Variants in KCNMA1 observed in about 807,000 individuals in gnomAD.
The protein encoded by KCNMA1 is potassium calcium-activated channel subfamily M alpha 1, also known as Calcium-activated potassium channel subunit alpha-1.
KCNMA1 carries 29 observed loss-of-function variants against 140.0 expected under a neutral mutation model. The ratio of observed to expected loss-of-function variants is 0.21; its 90% CI spans 0.15 to 0.28. KCNMA1 has a LOEUF of 0.28. Among genes scored for constraint, KCNMA1 ranks in the 10% least tolerant of loss-of-function variants. KCNMA1 has a pLI of 1.00. For synonymous variants in KCNMA1, 612 were observed against 611.9 expected, an observed-to-expected ratio of 1.00 and a Z score of 0.00; for missense variants, 880 against 1,602.2, an observed-to-expected ratio of 0.55 and a Z score of 7.70.
rs78120806 is a variant in KCNMA1, at chr10:76,929,577, G to T, written c.2903-14528C>A. 8.6e-3 allele frequency among the ~76,000 whole-genome samples: 1,308 copies of T among 152,280 alleles called. 17 individuals are homozygous for T. Among genetic ancestry groups the T allele is most frequent in the African/African-American group, 0.03 (1,261 of 41,544 alleles). On this transcript the variant is annotated intron_variant, in intron 23 of 27. Coordinates refer to ENST00000286628, the MANE Select transcript of KCNMA1 (RefSeq NM_001161352.2). ...ATAAATTTCCAAGATAAATTTCTAT[G>T]GAAATGTAAGCTTTAGTAAATCAGC... is the stretch of plus-strand genomic sequence containing the variant.
At position 77,637,502 on chromosome 10, in the gene KCNMA1, GGAA is replaced by G. The variant is rs780042940; in HGVS notation, c.138_140del (p.Ser60del). ...AAGAGGAGGAGGAAGAAGAAGAAGA[GGAA>G]GAGGAGGAGGAGGAGGAGGAGGACG... On this transcript the variant is annotated inframe_deletion, in exon 1 of 28. Coordinates refer to ENST00000286628, the MANE Select transcript of KCNMA1 (RefSeq NM_001161352.2). The G allele has an allele frequency of 4.4e-6, 7 of 1,577,586 alleles. No homozygotes were observed. The highest frequency in any genetic ancestry group is 6.1e-6 in the Non-Finnish European group (7 of 1,155,478).
At chr10:77,211,826 GGC>G (rs1390789384) in intron 3 of KCNMA1, among the ~76,000 whole-genome samples, 1 of 152,120 alleles carries the variant, frequency 6.6e-6, no homozygotes, top group Non-Finnish European at 1.5e-5. Context: ...ACATACAAGT[GGC>G]TAACAAACAT....
At chr10:77,200,826 G>A (rs1160850682) in intron 3 of KCNMA1, among the ~76,000 whole-genome samples, 1 of 152,136 alleles carries the variant, frequency 6.6e-6, no homozygotes, top group Non-Finnish European at 1.5e-5. Flanking sequence ...TAGACAAATT[G>A]TATACATGTG....
intron 20 of KCNMA1, among the ~76,000 whole-genome samples, chr10:76,959,530 T>C (rs2070035527): frequency 6.6e-6 from 1 of 152,240 alleles, no homozygotes; most frequent in South Asian, 2.1e-4. Context: ...TTTCATGCCC[T>C]GAATACAGCA....
At chr10:77,243,397 C>T (rs970047571) in intron 3 of KCNMA1, among the ~76,000 whole-genome samples, 3 of 152,154 alleles carry the variant, frequency 2.0e-5, no homozygotes, top group East Asian at 1.9e-4. Context: ...AGCCCTCTTG[C>T]GGTATAAACT....
intron 2 of KCNMA1, among the ~76,000 whole-genome samples, chr10:77,384,270 T>C (rs1464916058): frequency 6.6e-6 from 1 of 152,222 alleles, no homozygotes; most frequent in Non-Finnish European, 1.5e-5. Context: ...CCTATGCAGC[T>C]GCACAGGCAC....
At chr10:77,225,673 C>T (rs1378080609) in intron 3 of KCNMA1, among the ~76,000 whole-genome samples, 1 of 152,196 alleles carries the variant, frequency 6.6e-6, no homozygotes, top group Non-Finnish European at 1.5e-5. Flanking sequence ...GGCACTGTGC[C>T]ACCACCACTG....
chr10:77,117,539 C>CA (rs56926398), intron 6 of KCNMA1, among the ~76,000 whole-genome samples: 9,407 of 22,574 alleles, frequency 0.42, 2,821 homozygotes, highest in East Asian at 0.74. Context: ...GAGTCTATCT[C>CA]AAAAAAAAAA....
rs1296978467 is a variant in KCNMA1, at chr10:76,948,467, G to T, written c.2709+675C>A. ...TGGACTATGCATTCATTATGATTAG[G>T]AAGTAGTTAATTACATGACTCCTAA... On this transcript the variant is annotated intron_variant, in intron 22 of 27. Coordinates refer to ENST00000286628, the MANE Select transcript of KCNMA1 (RefSeq NM_001161352.2). 2.0e-5 allele frequency among the ~76,000 whole-genome samples: 3 copies of T among 152,258 alleles called. No homozygotes were observed. In the East Asian group the frequency reaches 5.8e-4, roughly 29 times the overall value.
At chr10:77,380,606 T>A (rs1157845721) in intron 2 of KCNMA1, among the ~76,000 whole-genome samples, 1 of 152,162 alleles carries the variant, frequency 6.6e-6, no homozygotes, top group East Asian at 1.9e-4. Context: ...TCCCTCATTG[T>A]CCTACTCATA....
intron 14 of KCNMA1, among the ~76,000 whole-genome samples, chr10:77,069,987 T>A (rs570340580): frequency 5.3e-5 from 8 of 152,168 alleles, no homozygotes; most frequent in Non-Finnish European, 1.2e-4. Context: ...AGCTAATTTT[T>A]GTATTTTTAG....
chr10:77,363,420 C>T (rs1346353605), intron 2 of KCNMA1, among the ~76,000 whole-genome samples: 1 of 152,226 alleles, frequency 6.6e-6, no homozygotes, highest in Admixed American at 6.5e-5. Context: ...ACACTCAATG[C>T]CACTCCTGCC....
intron 1 of KCNMA1, among the ~76,000 whole-genome samples, chr10:77,568,798 C>T (rs1338348078): frequency 6.6e-6 from 1 of 151,204 alleles, no homozygotes; most frequent in Non-Finnish European, 1.5e-5. Context: ...TCAAATTGTC[C>T]CTGTTTGCAG....
intron 5 of KCNMA1, among the ~76,000 whole-genome samples, chr10:77,136,709 C>T (rs1471578886): frequency 1.3e-5 from 2 of 151,994 alleles, no homozygotes; most frequent in Middle Eastern, 3.2e-3. Context: ...ATGACAGTGG[C>T]CATGTTACAA....
At chr10:77,142,620 G>A (rs1228737047) in intron 5 of KCNMA1, among the ~76,000 whole-genome samples, 1 of 152,058 alleles carries the variant, frequency 6.6e-6, no homozygotes, top group Non-Finnish European at 1.5e-5. Context: ...ACAGCATGAC[G>A]AATATCTTGA....
chr10:77,230,111 C>T (rs2053068952), intron 3 of KCNMA1, among the ~76,000 whole-genome samples: 1 of 152,164 alleles, frequency 6.6e-6, no homozygotes, highest in Non-Finnish European at 1.5e-5. Context: ...ATTCAGCCAT[C>T]AAAGGGAATT....
At chr10:76,914,824 C>A (rs192474205) in intron 24 of KCNMA1, 112 bp downstream of exon 24, 70 of 817,976 alleles carry the variant, frequency 8.6e-5, no homozygotes, top group Non-Finnish European at 7.6e-5. Flanking sequence ...CAAAACAAAC[C>A]CCATAGCAGC....
chr10:76,962,985 CAG>C (rs914440057), intron 20 of KCNMA1, among the ~76,000 whole-genome samples: 8 of 152,286 alleles, frequency 5.3e-5, no homozygotes, highest in African/African-American at 1.9e-4. Context: ...AATTAGGACA[CAG>C]AGCATTTGCT....
At chr10:77,302,374 G>T (rs565683148) in intron 2 of KCNMA1, among the ~76,000 whole-genome samples, 2 of 152,214 alleles carry the variant, frequency 1.3e-5, no homozygotes, top group African/African-American at 4.8e-5. Flanking sequence ...GGCCAGTCCT[G>T]ATGATGCAGT....
Sources: gnomAD v4.1 joint callset for allele counts (sites outside exome capture counted in the v4.1 genomes callset) on GRCh38, gnomAD v4.1.1 for gene constraint, MANE v1.5 for transcripts, NCBI Gene and HGNC (gene_info 2026-07-23, HGNC 2026-07-21) for gene names.